The following ODAD2 variants were observed in gnomAD, a reference collection of about 807,000 sequenced individuals.
The protein encoded by ODAD2 is outer dynein arm-docking complex subunit 2.
Under a neutral mutation model 106.8 loss-of-function variants are expected in ODAD2, and 89 were observed. The observed-to-expected ratio is 0.83, with a 90% CI of 0.70 to 0.99. ODAD2 has a LOEUF of 0.99. Among genes scored for constraint, ODAD2 ranks in the 50% least tolerant of loss-of-function variants. The probability of loss-of-function intolerance (pLI) is 0.00; values close to 1 mark genes in which losing one functional copy is unlikely to be tolerated. For missense variants in ODAD2, 1,168 were observed against 1,238.5 expected (o/e 0.94, Z 0.85); for synonymous variants, 404 against 436.2 (o/e 0.93, Z 0.92).
At chr10:27,973,666 T>A (rs1239667791) in intron 7 of ODAD2, among the ~76,000 whole-genome samples, 2 of 152,186 alleles carry the variant, frequency 1.3e-5, no homozygotes, top group Non-Finnish European at 2.9e-5. Flanking sequence ...TGTACCACAT[T>A]TTCTTTATCC....
intron 19 of ODAD2, among the ~76,000 whole-genome samples, chr10:27,813,695 G>A (rs1835914890): frequency 6.6e-6 from 1 of 152,124 alleles, no homozygotes; most frequent in Admixed American, 6.5e-5. Flanking sequence ...CCAGGCTTAG[G>A]GTGTGGCTTT....
chr10:27,837,855 T>C (rs917238941), intron 19 of ODAD2, among the ~76,000 whole-genome samples: 2 of 152,184 alleles, frequency 1.3e-5, no homozygotes, highest in African/African-American at 4.8e-5. Flanking sequence ...AAGACAATAG[T>C]TGTTCTGACT....
At position 27,983,976 on chromosome 10, in the gene ODAD2, T is replaced by A; in HGVS notation, c.686A>T (p.Tyr229Phe). The change falls in exon 6 of 20, where the codon TAT becomes TTT. Residue 229 changes from tyrosine (Y) to phenylalanine (F), a missense_variant. Tyr to Phe is a conservative substitution (Grantham distance 22). Coordinates refer to ENST00000305242, the MANE Select transcript of ODAD2 (RefSeq NM_018076.5). ...VLESIEYTSD[Y>F]EFSNGCRAPP... ...GGCTCGACATCCATTTGAAAATTCA[T>A]AATCTGAAACCAATCATCAAGCAAT... 1 of 1,607,946 alleles carries A rather than the reference T, an allele frequency of 6.2e-7. No individual in the cohort carries two copies. Among genetic ancestry groups the A allele is most frequent in the Non-Finnish European group, 8.5e-7 (1 of 1,178,800 alleles).
chr10:27,877,703 G>A (rs1009745581), intron 17 of ODAD2, among the ~76,000 whole-genome samples: 14 of 152,188 alleles, frequency 9.2e-5, no homozygotes, highest in South Asian at 8.3e-4. Flanking sequence ...CTTCTCACAT[G>A]TCTTAAAAAC....
intron 7 of ODAD2, among the ~76,000 whole-genome samples, chr10:27,974,935 C>A (rs983105098): frequency 6.6e-6 from 1 of 152,028 alleles, no homozygotes; most frequent in African/African-American, 2.4e-5. Flanking sequence ...TTGTAATTCT[C>A]ACTGTAGAGA....
At chr10:27,900,889 T>A (rs183772909) in intron 17 of ODAD2, among the ~76,000 whole-genome samples, 1 of 152,344 alleles carries the variant, frequency 6.6e-6, no homozygotes, top group Non-Finnish European at 1.5e-5. Context: ...GAAAACACTC[T>A]GCAGGATATT....
intron 19 of ODAD2, among the ~76,000 whole-genome samples, chr10:27,824,504 T>C (rs1182446307): frequency 2.0e-5 from 3 of 152,244 alleles, no homozygotes; most frequent in Non-Finnish European, 4.4e-5. Flanking sequence ...TGCCATGCTC[T>C]TGAACTTCCC....
intron 16 of ODAD2, among the ~76,000 whole-genome samples, chr10:27,920,143 C>T (rs1844669676): frequency 6.6e-6 from 1 of 151,854 alleles, no homozygotes; most frequent in South Asian, 2.1e-4. Context: ...ACTGAGTGGG[C>T]TGTGAGGACG....
In ODAD2 at chr10:27,928,849, A is replaced by C. The variant is rs181141083; in HGVS notation, c.2495+6161T>G. On this transcript the variant is annotated intron_variant, in intron 16 of 19. Coordinates refer to ENST00000305242, the MANE Select transcript of ODAD2 (RefSeq NM_018076.5). ...TTATTATATGTCAGTCACTTTACTT[A>C]CATAAATTCACTTAATCATCTCAAC... is the stretch of plus-strand genomic sequence containing the variant. Among the ~76,000 whole-genome samples, 24 of 152,256 alleles carry C rather than the reference A, an allele frequency of 1.6e-4. No homozygotes were observed. In the East Asian group the frequency reaches 4.4e-3, roughly 28 times the overall value.
At chr10:27,957,082 A>C (rs1847788241) in intron 10 of ODAD2, 1 of 152,214 alleles carries the variant, frequency 6.6e-6, no homozygotes, top group South Asian at 2.1e-4. Context: ...AATCTCTGGA[A>C]GTGATCAAAA....
intron 17 of ODAD2, among the ~76,000 whole-genome samples, chr10:27,884,044 A>C (rs1841915371): frequency 6.6e-6 from 1 of 152,150 alleles, no homozygotes; most frequent in South Asian, 2.1e-4. Context: ...AGTTCTCCAA[A>C]TTTGATGAGA....
rs377545802 is a variant in ODAD2 at position 27,907,790 on chromosome 10, C to T, written c.2496-13G>A. ...GCGATCAATTATCCTATCGTGGAACCCAAAATCATGATATAAACTGTCATT... is the reference window on the plus strand; with the variant it reads ...GCGATCAATTATCCTATCGTGGAACTCAAAATCATGATATAAACTGTCATT... On this transcript the variant is annotated splice_polypyrimidine_tract_variant and intron_variant, in intron 16 of 19. Coordinates refer to ENST00000305242, the MANE Select transcript of ODAD2 (RefSeq NM_018076.5). 18 of 1,554,870 alleles carry T rather than the reference C, an allele frequency of 1.2e-5. No homozygotes were observed. The African/African-American group carries it at 1.9e-4, about 16-fold the overall frequency.
At chr10:27,836,669 C>G (rs1195610340) in intron 19 of ODAD2, among the ~76,000 whole-genome samples, 1 of 152,058 alleles carries the variant, frequency 6.6e-6, no homozygotes, top group Non-Finnish European at 1.5e-5. Context: ...ATGGTTGACT[C>G]TCAAATCATT....
At chr10:27,881,805 T>C (rs967109275) in intron 17 of ODAD2, among the ~76,000 whole-genome samples, 1 of 152,150 alleles carries the variant, frequency 6.6e-6, no homozygotes, top group African/African-American at 2.4e-5. Flanking sequence ...GATTCAAAGA[T>C]AAATAAAACC....
intron 19 of ODAD2, among the ~76,000 whole-genome samples, chr10:27,857,078 G>GT (rs1324440703): frequency 6.6e-6 from 1 of 152,024 alleles, no homozygotes; most frequent in Non-Finnish European, 1.5e-5. Flanking sequence ...AACAACAAAA[G>GT]TTTAAACTGC....
chr10:27,831,311 C>T (rs1339107841), intron 19 of ODAD2, among the ~76,000 whole-genome samples: 2 of 152,044 alleles, frequency 1.3e-5, no homozygotes, highest in African/African-American at 4.8e-5. Context: ...TCATCATCAC[C>T]GAAAACGACA....
intron 19 of ODAD2, among the ~76,000 whole-genome samples, chr10:27,836,774 AATT>A (rs1478015262): frequency 6.6e-6 from 1 of 152,214 alleles, no homozygotes; most frequent in Admixed American, 6.5e-5. Flanking sequence ...TAATTATAAT[AATT>A]ACTATCAATT....
In ODAD2 at chr10:27,891,215, A is replaced by T. The variant is rs749836151; in HGVS notation, c.2610+16448T>A. On this transcript the variant is annotated intron_variant, in intron 17 of 19. Transcript: ENST00000305242. Reference sequence around the variant, plus strand: ...TGGTCAGGAAACTGGCCTCATCCATACTCAGTCCTCAACATTCCTGGCTAA... The same window carrying T: ...TGGTCAGGAAACTGGCCTCATCCATTCTCAGTCCTCAACATTCCTGGCTAA... Among the ~76,000 whole-genome samples, 19 of 152,120 alleles carry T rather than the reference A, an allele frequency of 1.2e-4. 1 individual carries two copies. The highest frequency in any genetic ancestry group is 1.0e-3 in the South Asian group (5 of 4,822).
At chr10:27,924,002 GAAAGAA>G (rs1564509124) in intron 16 of ODAD2, among the ~76,000 whole-genome samples, 1,380 of 135,264 alleles carry the variant, frequency 0.01, 66 homozygotes, top group Admixed American at 0.015. Context: ...AAGAAAGAAA[GAAAGAA>G]AGAAAGAAAG....
Sources: allele counts gnomAD v4.1 joint callset (sites outside exome capture counted in the v4.1 genomes callset), GRCh38; gene constraint gnomAD v4.1.1; transcripts MANE v1.5; gene names NCBI Gene and HGNC (gene_info 2026-07-23, HGNC 2026-07-21).